The following JAZF1 variants were observed in gnomAD, a reference collection of about 807,000 sequenced individuals.
JAZF1 encodes JAZF zinc finger 1, also known as juxtaposed with another zinc finger protein 1.
Under a neutral mutation model 26.4 loss-of-function variants are expected in JAZF1, and 8 were observed. The observed-to-expected ratio is 0.30, with a 90% CI of 0.18 to 0.55. JAZF1 has a LOEUF of 0.55. Ranked by LOEUF, JAZF1 falls within the 20% of genes least tolerant of loss-of-function variation. The pLI is 0.94. For missense variants in JAZF1, 199 were observed against 322.0 expected, an observed-to-expected ratio of 0.62 and a Z score of 2.92; for synonymous variants, 126 against 122.3, an observed-to-expected ratio of 1.03 and a Z score of -0.20.
At chr7:28,158,146 C>CGCGCGT (rs1477897208) in intron 1 of JAZF1, among the ~76,000 whole-genome samples, 1 of 136,432 alleles carries the variant, frequency 7.3e-6, no homozygotes, top group African/African-American at 2.7e-5. Context: ...TGAAAACACG[C>CGCGCGT]GCGCACACAC....
intron 1 of JAZF1, among the ~76,000 whole-genome samples, chr7:28,011,458 C>T (rs38526): frequency 0.9 from 136,815 of 152,252 alleles, 62,227 homozygotes; most frequent in African/African-American, 0.98. Context: ...CACGCAAGGA[C>T]TTCTGAACAT....
In JAZF1 at chr7:27,944,058, G is replaced by C. The variant is rs546368102; in HGVS notation, c.188+47851C>G. ...TTCAAATTCCACCTAAGTTTCACAG[G>C]AACTATGGAAACATATCCTCTACAG... On this transcript the variant is annotated intron_variant, in intron 2 of 4. Transcript: ENST00000283928. 1.5e-4 allele frequency among the ~76,000 whole-genome samples: 23 copies of C among 152,266 alleles called. No individual in the cohort carries two copies. In the East Asian group the frequency reaches 4.2e-3, roughly 28 times the overall value.
chr7:27,930,084 C>T (rs1784664536), intron 2 of JAZF1, among the ~76,000 whole-genome samples: 1 of 152,064 alleles, frequency 6.6e-6, no homozygotes, highest in South Asian at 2.1e-4. Flanking sequence ...CAAGCTCTGC[C>T]TCCCGGGTTC....
chr7:28,076,043 T>C (rs1353066189), intron 1 of JAZF1, among the ~76,000 whole-genome samples: 1 of 152,242 alleles, frequency 6.6e-6, no homozygotes. Flanking sequence ...TAAAAGTGCA[T>C]GTTTAGGATT....
chr7:28,097,237 A>T (rs144038554), intron 1 of JAZF1, among the ~76,000 whole-genome samples: 1 of 152,162 alleles, frequency 6.6e-6, no homozygotes, highest in African/African-American at 2.4e-5. Flanking sequence ...AAATCAGCTC[A>T]GCAATAAATA....
chr7:27,980,242 T>C (rs1183475599), intron 2 of JAZF1, among the ~76,000 whole-genome samples: 1 of 152,170 alleles, frequency 6.6e-6, no homozygotes, highest in Non-Finnish European at 1.5e-5. Flanking sequence ...TTCATTCTCA[T>C]TTTTTCACAG....
At chr7:27,967,187 C>T (rs934496092) in intron 2 of JAZF1, among the ~76,000 whole-genome samples, 2 of 151,990 alleles carry the variant, frequency 1.3e-5, no homozygotes, top group African/African-American at 4.8e-5. Flanking sequence ...CTAGCTGCAC[C>T]CTCCTCAAGA....
At chr7:27,892,344 TAA>T (rs1220277341) in intron 3 of JAZF1, among the ~76,000 whole-genome samples, 2 of 152,232 alleles carry the variant, frequency 1.3e-5, no homozygotes, top group Non-Finnish European at 2.9e-5. Flanking sequence ...GGGAAATTGC[TAA>T]AATAGGCAAG....
chr7:27,835,449 G>A (rs942199672), intron 4 of JAZF1, among the ~76,000 whole-genome samples: 1 of 152,180 alleles, frequency 6.6e-6, no homozygotes, highest in East Asian at 1.9e-4. Flanking sequence ...TAAACATTAT[G>A]TTGTGTGTCT....
At chr7:28,053,849 C>G (rs1321991220) in intron 1 of JAZF1, among the ~76,000 whole-genome samples, 1 of 152,088 alleles carries the variant, frequency 6.6e-6, no homozygotes, top group Non-Finnish European at 1.5e-5. Flanking sequence ...CTCACAGGAC[C>G]CTTCCATCCT....
intron 1 of JAZF1, among the ~76,000 whole-genome samples, chr7:28,046,317 C>T (rs1205459983): frequency 1.3e-5 from 2 of 152,204 alleles, no homozygotes; most frequent in Non-Finnish European, 2.9e-5. Context: ...AGTTCCAGAC[C>T]TGGCTTGTTA....
At chr7:27,859,112 CAT>C (rs1447426098) in intron 3 of JAZF1, among the ~76,000 whole-genome samples, 4 of 152,126 alleles carry the variant, frequency 2.6e-5, no homozygotes, top group African/African-American at 7.2e-5. Flanking sequence ...GGCCAGCAAA[CAT>C]ATGAAAAAAA....
chr7:28,097,033 C>T (rs894745129), intron 1 of JAZF1, among the ~76,000 whole-genome samples: 15 of 152,140 alleles, frequency 9.9e-5, no homozygotes, highest in African/African-American at 3.6e-4. Context: ...GGTGCCAAAT[C>T]ACACCTGCTA....
chr7:28,111,094 G>T (rs1335749395), intron 1 of JAZF1, among the ~76,000 whole-genome samples: 2 of 152,134 alleles, frequency 1.3e-5, no homozygotes, highest in African/African-American at 4.8e-5. Flanking sequence ...GAAAAGTAAG[G>T]AATTCATAGA....
At chr7:28,163,088 T>C (rs1473741233) in intron 1 of JAZF1, among the ~76,000 whole-genome samples, 1 of 152,236 alleles carries the variant, frequency 6.6e-6, no homozygotes, top group Admixed American at 6.5e-5. Context: ...CCTGTTGTGC[T>C]TGTTATACCA....
intron 1 of JAZF1, among the ~76,000 whole-genome samples, chr7:28,042,514 T>A (rs2128377696): frequency 6.6e-6 from 1 of 152,264 alleles, no homozygotes; most frequent in Admixed American, 6.5e-5. Flanking sequence ...AGCAAATTAA[T>A]TTATGTTAAA....
chr7:28,051,442 A>C (rs1310212579), intron 1 of JAZF1, among the ~76,000 whole-genome samples: 1 of 151,862 alleles, frequency 6.6e-6, no homozygotes. Flanking sequence ...GGATGGTCTC[A>C]AATCTCTTGA....
chr7:28,090,951 C>T (rs981501212), intron 1 of JAZF1, among the ~76,000 whole-genome samples: 10 of 151,036 alleles, frequency 6.6e-5, no homozygotes, highest in Middle Eastern at 3.4e-3. Flanking sequence ...CTCAGCCTCC[C>T]GAGTAGCTGG....
chr7:27,915,405 T>A (rs2128346536), intron 2 of JAZF1, among the ~76,000 whole-genome samples: 1 of 152,352 alleles, frequency 6.6e-6, no homozygotes, highest in Admixed American at 6.5e-5. Flanking sequence ...CAAACTAGTC[T>A]TTACTCACTG....
Sources: gnomAD v4.1 joint callset for allele counts (sites outside exome capture counted in the v4.1 genomes callset) on GRCh38, gnomAD v4.1.1 for gene constraint, MANE v1.5 for transcripts, NCBI Gene and HGNC (gene_info 2026-07-23, HGNC 2026-07-21) for gene names.